Variants in SRGAP2B observed in about 807,000 individuals in gnomAD.
SRGAP2B encodes the protein SLIT-ROBO Rho GTPase-activating protein 2B.
A neutral mutation model predicts 22.2 loss-of-function variants in SRGAP2B; 9 were observed. The ratio of observed to expected loss-of-function variants is 0.41; its 90% CI spans 0.24 to 0.71. The LOEUF is 0.71. Ranked by LOEUF, SRGAP2B falls within the 30% of genes least tolerant of loss-of-function variation. The pLI, the probability that SRGAP2B is intolerant of heterozygous loss-of-function variation, is 0.35. For synonymous variants in SRGAP2B, 36 were observed against 87.4 expected (o/e 0.41, Z 3.28); for missense variants, 114 against 235.8 (o/e 0.48, Z 3.38).
chr1:145,082,438 ACTTT>A (rs1653019979), intron 2 of SRGAP2B, among the ~76,000 whole-genome samples: 1 of 148,774 alleles, frequency 6.7e-6, no homozygotes, highest in South Asian at 2.2e-4. Context: ...AGACAGACAA[ACTTT>A]CTCAAACTTA....
chr1:145,000,590 C>T (rs1671070471), intron 2 of SRGAP2B, among the ~76,000 whole-genome samples: 1 of 150,710 alleles, frequency 6.6e-6, no homozygotes, highest in Admixed American at 6.6e-5. Context: ...GGGAATTCAC[C>T]AGTCAGCAGA....
chr1:145,073,216 A>G (rs1243591548), intron 2 of SRGAP2B, among the ~76,000 whole-genome samples: 1 of 150,058 alleles, frequency 6.7e-6, no homozygotes, highest in Non-Finnish European at 1.5e-5. Flanking sequence ...GAGGGGTGTC[A>G]TCTATTTCAC....
chr1:144,909,089 T>C lies in SRGAP2B; in HGVS notation c.487-3015A>G, dbSNP rs1414167182. ...GAAAAAAAAGGTTCTAAAATGATTA[T>C]CATTTAGGTATAAATTGAGAAAAAC... On this transcript the variant is annotated intron_variant, in intron 5 of 9. Transcript: ENST00000612199. Among the ~76,000 whole-genome samples the C allele has an allele frequency of 5.4e-5, 8 of 148,340 alleles. 1 individual carries two copies. Among genetic ancestry groups the C allele is most frequent in the African/African-American group, 2.0e-4 (8 of 39,032 alleles).
rs1216884589 is a variant in SRGAP2B at position 144,969,877 on chromosome 1, C to CA, written c.261-14277dup. On this transcript the variant is annotated intron_variant, in intron 3 of 9. Coordinates refer to ENST00000612199, the Ensembl canonical transcript of SRGAP2B. The stretch of plus-strand genomic sequence containing the variant: ...TCTCAAAAGAAGACATTTATGCAGC[C>CA]AAAAAACACATGAAAAAATGCTCAT... 1.1e-4 allele frequency among the ~76,000 whole-genome samples: 17 copies of CA among 150,660 alleles called. No individual in the cohort carries two copies. The South Asian group carries it at 3.5e-3, about 31-fold the overall frequency.
chr1:144,976,584 T>A (rs1668924256), intron 3 of SRGAP2B, among the ~76,000 whole-genome samples: 1 of 145,636 alleles, frequency 6.9e-6, no homozygotes, highest in Admixed American at 6.7e-5. Context: ...GAAAAAATGG[T>A]CAACTCCACA....
intron 2 of SRGAP2B, among the ~76,000 whole-genome samples, chr1:145,044,824 G>C (rs1209457856): frequency 6.7e-6 from 1 of 148,392 alleles, no homozygotes; most frequent in Non-Finnish European, 1.5e-5. Flanking sequence ...ACCAACTGGA[G>C]GGATATAGGG....
chr1:144,931,439 C>T (rs1408689855), intron 4 of SRGAP2B, among the ~76,000 whole-genome samples: 3 of 150,560 alleles, frequency 2.0e-5, no homozygotes, highest in Non-Finnish European at 4.4e-5. Flanking sequence ...GGAAGAAAGG[C>T]CATAAATTTT....
rs1200905150 is a variant in SRGAP2B, at chr1:144,990,771, C to T, written c.260+4237G>A. On this transcript the variant is annotated intron_variant, in intron 3 of 9. Coordinates refer to ENST00000612199, the Ensembl canonical transcript of SRGAP2B. ...GCCGGCCAGCCCTGCTGGCCCCGGG[C>T]AATGGGGGACTTAGCACCCGGGCCA... Among the ~76,000 whole-genome samples the T allele has an allele frequency of 1.3e-5, 2 of 151,238 alleles. 1 individual carries two copies. Among genetic ancestry groups the T allele is most frequent in the Non-Finnish European group, 2.9e-5 (2 of 67,988 alleles).
chr1:144,912,553 TA>T (rs1423190675), intron 5 of SRGAP2B, among the ~76,000 whole-genome samples: 6 of 147,828 alleles, frequency 4.1e-5, no homozygotes, highest in South Asian at 2.1e-4. Context: ...GTGGGTCAGA[TA>T]ATTCTTTGTT....
At chr1:145,080,797 C>A (rs473338) in intron 2 of SRGAP2B, among the ~76,000 whole-genome samples, 1 of 149,402 alleles carries the variant, frequency 6.7e-6, no homozygotes, top group African/African-American at 2.5e-5. Context: ...TTAGGTGATC[C>A]GCCTGCCTCG....
intron 4 of SRGAP2B, among the ~76,000 whole-genome samples, chr1:144,933,075 C>T (rs1271905786): frequency 2.0e-5 from 3 of 151,776 alleles, no homozygotes; most frequent in South Asian, 2.1e-4. Flanking sequence ...ACCCCTACCC[C>T]GGCCCTGAGT....
intron 4 of SRGAP2B, among the ~76,000 whole-genome samples, chr1:144,944,606 A>AC (rs1666338899): frequency 6.7e-6 from 1 of 149,132 alleles, no homozygotes; most frequent in African/African-American, 2.5e-5. Flanking sequence ...AAAAAAAAAA[A>AC]AAAAAAATCT....
At chr1:144,939,185 G>A (rs12128510) in intron 4 of SRGAP2B, among the ~76,000 whole-genome samples, 2 of 112,316 alleles carry the variant, frequency 1.8e-5, no homozygotes, top group Non-Finnish European at 3.5e-5. Flanking sequence ...CCCATTGCTG[G>A]TCAAAAGGAA....
At chr1:144,965,551 A>G (rs1553612079) in intron 3 of SRGAP2B, among the ~76,000 whole-genome samples, 1 of 144,146 alleles carries the variant, frequency 6.9e-6, no homozygotes, top group Admixed American at 6.8e-5. Flanking sequence ...AAAACAGAAC[A>G]GAAAAACTGG....
intron 3 of SRGAP2B, chr1:144,965,171 C>A (rs1219466295): frequency 1.8e-5 from 20 of 1,088,134 alleles, no homozygotes; most frequent in African/African-American, 3.3e-5. Context: ...GCCAAGATGG[C>A]CGAATAGGAA....
At chr1:144,998,404 A>T (rs1670854557) in intron 2 of SRGAP2B, among the ~76,000 whole-genome samples, 1 of 121,156 alleles carries the variant, frequency 8.3e-6, no homozygotes, top group Non-Finnish European at 1.7e-5. Context: ...GTCTACCAGG[A>T]AGCCCAGAGG....
intron 2 of SRGAP2B, among the ~76,000 whole-genome samples, chr1:145,002,380 C>T (rs587727389): frequency 3.0e-4 from 18 of 59,302 alleles, no homozygotes; most frequent in African/African-American, 1.7e-3. Context: ...TATCCCTGGA[C>T]CTTTCAGTGA....
At chr1:145,017,221 C>T (rs1672490834) in intron 2 of SRGAP2B, among the ~76,000 whole-genome samples, 1 of 148,538 alleles carries the variant, frequency 6.7e-6, no homozygotes, top group African/African-American at 2.6e-5. Flanking sequence ...TGAGCCACCG[C>T]ACCCAGTCTC....
intron 3 of SRGAP2B, among the ~76,000 whole-genome samples, chr1:144,987,245 A>T (rs2747595): frequency 1.3e-5 from 2 of 152,018 alleles, no homozygotes; most frequent in Non-Finnish European, 2.9e-5. Flanking sequence ...CTTCTATATT[A>T]AGAGAAACTC....
Sources: allele counts gnomAD v4.1 joint callset (sites outside exome capture counted in the v4.1 genomes callset), GRCh38; gene constraint gnomAD v4.1.1; transcripts MANE v1.5; gene names NCBI Gene and HGNC (gene_info 2026-07-23, HGNC 2026-07-21).